FGF13: variants seen among roughly 807,000 people sequenced by gnomAD.
FGF13 encodes fibroblast growth factor homologous factor 2.
In FGF13, 2 loss-of-function variants were observed where a neutral mutation model predicts 19.5. The ratio of observed to expected loss-of-function variants is 0.10; its 90% CI spans 0.04 to 0.32. The LOEUF (loss-of-function observed/expected upper bound fraction) is 0.32. FGF13 is among the 10% of genes least tolerant of loss of function. FGF13 has a pLI of 1.00. For synonymous variants in FGF13, 72 were observed against 76.9 expected, an observed-to-expected ratio of 0.94 and a Z score of 0.33; for missense variants, 113 against 192.7, an observed-to-expected ratio of 0.59 and a Z score of 2.45.
chrX:138,826,077 G>A (rs997500593), intron 3 of FGF13, among the ~76,000 whole-genome samples: 2 of 111,736 alleles, frequency 1.8e-5, no homozygotes, highest in African/African-American at 6.5e-5. Flanking sequence ...AACTTTTCTG[G>A]ATTGAATAGC....
rs905388804 is a variant in FGF13, at chrX:138,626,876, A to G, written c.*5974T>C. The G allele has an allele frequency of 2.7e-5, 3 of 112,205 alleles. No homozygotes were observed. Among genetic ancestry groups the G allele is most frequent in the Non-Finnish European group, 5.6e-5 (3 of 53,268 alleles). 9.2% of individuals were successfully genotyped at this position (112,205 alleles called of 1,213,427 possible). A position where few individuals can be genotyped will look rare whatever the true frequency, so the allele number is the denominator to read the frequency against. ...AAATATTGTTCAAGCTGTTTTATTC[A>G]GCTGTTTTACATTAAGAAGAAAACT... On this transcript the variant is annotated 3_prime_UTR_variant, in exon 5 of 5. Coordinates refer to ENST00000315930, the MANE Select transcript of FGF13 (RefSeq NM_004114.5).
At chrX:138,772,814 T>TA (rs2090558309) in intron 3 of FGF13, among the ~76,000 whole-genome samples, 1 of 111,057 alleles carries the variant, frequency 9.0e-6, no homozygotes, top group Non-Finnish European at 1.9e-5. Context: ...ACCCTAAGTA[T>TA]AAACAGATCC....
chrX:138,973,243 C>A (rs1167618741), intron 1 of FGF13, among the ~76,000 whole-genome samples: 1 of 111,593 alleles, frequency 9.0e-6, no homozygotes, highest in East Asian at 2.8e-4. Context: ...ATTTAAATTT[C>A]TTCATTGACT....
intron 1 of FGF13, among the ~76,000 whole-genome samples, chrX:138,899,538 G>T (rs2091521375): frequency 1.8e-5 from 2 of 111,000 alleles, no homozygotes; most frequent in South Asian, 7.7e-4. Flanking sequence ...TTCTTGAAAT[G>T]CTTGCAAGAT....
At chrX:138,766,477 A>G (rs974959350) in intron 3 of FGF13, among the ~76,000 whole-genome samples, 1 of 112,228 alleles carries the variant, frequency 8.9e-6, no homozygotes, top group Non-Finnish European at 1.9e-5. Context: ...CCCTGCTGAC[A>G]TGATTTCAGT....
In FGF13 at chrX:139,082,499, T is replaced by C. The variant is rs887959372; in HGVS notation, c.-113+120917A>G. Among the ~76,000 whole-genome samples, 3 of 111,613 alleles carry C rather than the reference T, an allele frequency of 2.7e-5. No individual in the cohort carries two copies. The Admixed American group carries it at 2.9e-4, about 11-fold the overall frequency. On this transcript the variant is annotated intron_variant, in intron 1 of 2. Coordinates refer to the FGF13 transcript ENST00000421460. ...GCATTAAAGTGGGCTCTATATCCAA[T>C]GACTGGAGTCCTTGTAAGACGAGAG... is the stretch of plus-strand genomic sequence containing the variant.
chrX:138,796,676 A>G (rs2090780872), intron 3 of FGF13, among the ~76,000 whole-genome samples: 1 of 111,666 alleles, frequency 9.0e-6, no homozygotes. Context: ...GAACTAATTT[A>G]CACTCCCACC....
intron 3 of FGF13, among the ~76,000 whole-genome samples, chrX:138,790,405 C>T (rs1263797432): frequency 9.0e-6 from 1 of 110,831 alleles, no homozygotes; most frequent in Non-Finnish European, 1.9e-5. Context: ...CACAATATTT[C>T]ATCCATGGCA....
chrX:138,712,189 A>C (rs1026651651), upstream of FGF13: 2 of 111,781 alleles, frequency 1.8e-5, no homozygotes, highest in African/African-American at 6.5e-5. Flanking sequence ...AGGAGGCCAG[A>C]GTCCCCAGAC....
intron 1 of FGF13, among the ~76,000 whole-genome samples, chrX:138,944,500 C>CA (rs370819719): frequency 1.8e-3 from 60 of 34,099 alleles, no homozygotes; most frequent in African/African-American, 5.8e-3. Context: ...TGGCTCTGAG[C>CA]AAAAAAAAAG....
In FGF13 at chrX:139,160,689, A is replaced by G. The variant is rs745469133; in HGVS notation, c.-113+42727T>C. On this transcript the variant is annotated intron_variant, in intron 1 of 2. Coordinates refer to the FGF13 transcript ENST00000421460. ...ATCACCACTGATCCCACAGAAACAC[A>G]AACTACCATCAGAGAATACTATAAA... Among the ~76,000 whole-genome samples, 52 of 112,317 alleles carry G rather than the reference A, an allele frequency of 4.6e-4. 2 individuals are homozygous for G. The Middle Eastern group carries it at 0.023, about 50-fold the overall frequency.
chrX:138,808,234 A>C (rs1450491669), intron 3 of FGF13, among the ~76,000 whole-genome samples: 1 of 112,062 alleles, frequency 8.9e-6, no homozygotes, highest in Non-Finnish European at 1.9e-5. Context: ...AAATTATAAC[A>C]AACTGTCTCT....
At chrX:138,928,516 G>A (rs938491731) in intron 1 of FGF13, among the ~76,000 whole-genome samples, 4 of 110,167 alleles carry the variant, frequency 3.6e-5, no homozygotes, top group African/African-American at 9.9e-5. Context: ...AGATGTTATC[G>A]CGGTGCTCTC....
At chrX:138,819,066 T>C (rs1344124838) in intron 3 of FGF13, among the ~76,000 whole-genome samples, 1 of 110,785 alleles carries the variant, frequency 9.0e-6, no homozygotes, top group African/African-American at 3.3e-5. Flanking sequence ...ATATGGAAAC[T>C]TTTTTTTCGG....
chrX:138,900,800 C>G (rs7891339), intron 1 of FGF13, among the ~76,000 whole-genome samples: 5,334 of 111,312 alleles, frequency 0.048, 344 homozygotes, highest in African/African-American at 0.16. Context: ...CTGGCCTTAT[C>G]TCCTCTGACT....
At chrX:138,782,296 A>G (rs1478710481) in intron 3 of FGF13, among the ~76,000 whole-genome samples, 1 of 112,356 alleles carries the variant, frequency 8.9e-6, no homozygotes, top group Non-Finnish European at 1.9e-5. Context: ...AAAGTGTTGG[A>G]AGTTCTGGCC....
chrX:139,167,482 T>C (rs1166593499), intron 1 of FGF13, among the ~76,000 whole-genome samples: 1 of 112,039 alleles, frequency 8.9e-6, no homozygotes, highest in East Asian at 2.8e-4. Context: ...GAGATATTAA[T>C]GTTGGCAACA....
chrX:138,785,598 T>A (rs1202657458), intron 3 of FGF13, among the ~76,000 whole-genome samples: 2 of 96,032 alleles, frequency 2.1e-5, no homozygotes, highest in African/African-American at 6.6e-5. Context: ...AACTAGCCAA[T>A]CTTTTAAAAA....
chrX:139,025,073 G>C (rs1025997420), intron 1 of FGF13, among the ~76,000 whole-genome samples: 1 of 110,594 alleles, frequency 9.0e-6, no homozygotes, highest in Non-Finnish European at 1.9e-5. Context: ...TGCCCTGCCT[G>C]GATATGATGG....
Sources: allele counts gnomAD v4.1 joint callset (sites outside exome capture counted in the v4.1 genomes callset), GRCh38; gene constraint gnomAD v4.1.1; transcripts MANE v1.5; gene names NCBI Gene and HGNC (gene_info 2026-07-23, HGNC 2026-07-21).